PRKACA: variants seen among roughly 807,000 people sequenced by gnomAD.
The protein encoded by PRKACA is protein kinase cAMP-activated catalytic subunit alpha.
PRKACA carries 9 observed loss-of-function variants against 45.8 expected under a neutral mutation model. That is an observed-to-expected ratio of 0.20 (90% CI 0.12 to 0.34). The LOEUF is 0.34. Ranked by LOEUF, PRKACA falls within the 10% of genes least tolerant of loss-of-function variation. PRKACA has a pLI of 1.00. For missense variants in PRKACA, 238 were observed against 458.6 expected (o/e 0.52, Z 4.39); for synonymous variants, 160 against 178.6 (o/e 0.90, Z 0.83).
At chr19:14,100,002 G>A (rs1381512505) in intron 5 of PRKACA, among the ~76,000 whole-genome samples, 4 of 151,606 alleles carry the variant, frequency 2.6e-5, no homozygotes, top group Admixed American at 6.6e-5. Flanking sequence ...CATCACACCC[G>A]GCTAATTTTT....
chr19:14,094,362 T>G (rs188366574), intron 8 of PRKACA, among the ~76,000 whole-genome samples: 109 of 152,250 alleles, frequency 7.2e-4, no homozygotes, highest in African/African-American at 2.6e-3. Context: ...CTAATTTTTG[T>G]ATTTTTAGTA....
chr19:14,114,203 C>A (rs760062272), intron 1 of PRKACA: 2 of 1,597,956 alleles, frequency 1.3e-6, no homozygotes, highest in Admixed American at 3.4e-5. Context: ...GCTGGGAAGG[C>A]TCATGAGACC....
intron 8 of PRKACA, among the ~76,000 whole-genome samples, chr19:14,095,263 C>A (rs1046952207): frequency 6.6e-6 from 1 of 151,464 alleles, no homozygotes; most frequent in Non-Finnish European, 1.5e-5. Context: ...CTCTGCCTCC[C>A]GGTTTCAAGT....
At chr19:14,095,362 G>T (rs543424921) in intron 8 of PRKACA, among the ~76,000 whole-genome samples, 2 of 151,978 alleles carry the variant, frequency 1.3e-5, no homozygotes, top group African/African-American at 4.8e-5. Flanking sequence ...GTAGAGACGG[G>T]GTTTCACCAT....
chr19:14,100,246 G>A (rs146307054), intron 5 of PRKACA, among the ~76,000 whole-genome samples: 2 of 151,848 alleles, frequency 1.3e-5, no homozygotes, highest in Non-Finnish European at 2.9e-5. Flanking sequence ...GGACTAGTGG[G>A]ACTACAGATG....
At chr19:14,103,202 C>A (rs1395868141) in intron 3 of PRKACA, among the ~76,000 whole-genome samples, 1 of 152,078 alleles carries the variant, frequency 6.6e-6, no homozygotes, top group Non-Finnish European at 1.5e-5. Context: ...GGAGAAGCAG[C>A]CCCCAAGAAG....
intron 1 of PRKACA, among the ~76,000 whole-genome samples, chr19:14,109,531 T>C (rs948592889): frequency 5.9e-5 from 9 of 151,550 alleles, no homozygotes; most frequent in Non-Finnish European, 1.2e-4. Flanking sequence ...GGCAGGAGAA[T>C]TGCTTGAATC....
At chr19:14,095,077 CT>C (rs1977205054) in intron 8 of PRKACA, among the ~76,000 whole-genome samples, 1 of 152,170 alleles carries the variant, frequency 6.6e-6, no homozygotes, top group Non-Finnish European at 1.5e-5. Context: ...CTAGAAAATG[CT>C]ACAAAGAAGG....
intron 4 of PRKACA, 105 bp downstream of exon 4, chr19:14,102,709 CAA>C (rs1977479016): frequency 2.1e-6 from 2 of 960,338 alleles, no homozygotes; most frequent in Non-Finnish European, 3.3e-6. Context: ...TGTTCTTCCA[CAA>C]AAGAGAGCAG....
chr19:14,106,916 G>C, intron 2 of PRKACA, 28 bp from the exon 3 acceptor site: 2 of 1,612,724 alleles, frequency 1.2e-6, no homozygotes, highest in Non-Finnish European at 1.7e-6. Context: ...GGTAGGCTCA[G>C]GGCACGCCCT....
At chr19:14,112,809 A>G (rs1967006770) in intron 1 of PRKACA, among the ~76,000 whole-genome samples, 1 of 152,222 alleles carries the variant, frequency 6.6e-6, no homozygotes, top group Non-Finnish European at 1.5e-5. Context: ...TGGACTGTGC[A>G]GAGGACAGCG....
Position 14,093,228 on chromosome 19 carries a change from G to T in PRKACA, c.940C>A (p.Pro314Thr), listed in dbSNP as rs1169133050. 8 of 1,613,422 alleles carry T rather than the reference G, an allele frequency of 5.0e-6. No homozygotes were observed. Among genetic ancestry groups the T allele is most frequent in the Non-Finnish European group, 6.8e-6 (8 of 1,179,748 alleles). The stretch of plus-strand genomic sequence containing the variant: ...GGGCCTTTAAACTTTGGTATGAAGG[G>T]AGCTTCCACCTGGAGAGGGATCAAG... ...IAIYQRKVEA[P>T]FIPKFKGPGD... The change falls in exon 10 of 10, where the codon CCC becomes ACC. Residue 314 changes from proline to threonine, a missense_variant. By Grantham distance (38) the Pro-to-Thr change is conservative. Coordinates refer to ENST00000308677, the MANE Select transcript of PRKACA (RefSeq NM_002730.4).
chr19:14,091,813 C>G lies in PRKACA; in HGVS notation c.*1299G>C, dbSNP rs1480573218. The G allele has an allele frequency of 6.6e-6, 1 of 152,538 alleles. No individual in the cohort carries two copies. Among genetic ancestry groups the G allele is most frequent in the African/African-American group, 2.4e-5 (1 of 41,458 alleles). The allele number at this position is 152,538 out of a possible 1,614,324, so 9.4% of individuals were successfully genotyped here. On this transcript the variant is annotated 3_prime_UTR_variant, in exon 10 of 10. Transcript: ENST00000308677. ...ATCGCCCCCGCACCCACCCGGGGCC[C>G]CACCCCAGGCCTGAGAACTCCTCCT...
intron 1 of PRKACA, among the ~76,000 whole-genome samples, chr19:14,113,513 CTCGCCCTG>C (rs1262856826): frequency 3.3e-5 from 5 of 152,196 alleles, no homozygotes; most frequent in African/African-American, 1.2e-4. Flanking sequence ...AATCTAGAAA[CTCGCCCTG>C]GGAATGGGGA....
In PRKACA at chr19:14,097,289, C is replaced by T. The variant is rs530224184; in HGVS notation, c.765+72G>A. The stretch of plus-strand genomic sequence containing the variant: ...TTATTCTGACAACAAGCAGGGCTCC[C>T]CAGGGAATAGGATGGGTGAGCAGGG... On this transcript the variant is annotated intron_variant, in intron 8 of 9. Transcript: ENST00000308677. This position sits in a 1 kb window ranked among gnomAD's most constrained non-coding sequence, Gnocchi z 5.4. The T allele has an allele frequency of 2.6e-5, 41 of 1,607,004 alleles. No individual in the cohort carries two copies. The African/African-American group carries it at 5.2e-4, about 20-fold the overall frequency.
intron 8 of PRKACA, 94 bp from the exon 9 acceptor site, chr19:14,093,886 G>A: frequency 7.5e-7 from 1 of 1,331,322 alleles, no homozygotes; most frequent in Non-Finnish European, 1.0e-6. Context: ...CCTACTGGGT[G>A]TGGGCCTCCA....
chr19:14,107,693 A>C, intron 1 of PRKACA: 1 of 1,248,358 alleles, frequency 8.0e-7, no homozygotes, highest in Non-Finnish European at 1.0e-6. Context: ...GCCCACCCCC[A>C]CTCGCCCCAG....
At position 14,097,358 on chromosome 19, in the gene PRKACA, C is replaced by T. The variant is rs1214102956; in HGVS notation, c.765+3G>A. 3 of 1,614,030 alleles carry T rather than the reference C, an allele frequency of 1.9e-6. No individual in the cohort carries two copies. The highest frequency in any genetic ancestry group is 2.7e-5 in the African/African-American group (2 of 74,934). On this transcript the variant is annotated splice_donor_region_variant and intron_variant, in intron 8 of 9. Transcript: ENST00000308677. This position sits in a 1 kb window ranked among gnomAD's most constrained non-coding sequence, Gnocchi z 5.4. ...GGGCTGTGTCCCCACATCCGGACCT[C>T]ACCTTCCCAGAGACGATCTTCTCAT...
chr19:14,109,937 C>CAAAA lies in PRKACA; in HGVS notation c.47-2532_47-2529dup. On this transcript the variant is annotated intron_variant, in intron 1 of 9. Transcript: ENST00000308677. The stretch of plus-strand genomic sequence containing the variant: ...TAGGCGACAGAGTGAGACTCTGTCT[C>CAAAA]AAAAAAAAAAAAAAAAAAAAAAAAA... 4.6e-4 allele frequency among the ~76,000 whole-genome samples: 8 copies of CAAAA among 17,548 alleles called. 1 individual carries two copies. Among genetic ancestry groups the CAAAA allele is most frequent in the East Asian group, 2.2e-3 (1 of 456 alleles). The allele number at this position is 17,548 out of a possible 152,430, so 11.5% of individuals were successfully genotyped here.
Sources: gnomAD v4.1 joint callset for allele counts (sites outside exome capture counted in the v4.1 genomes callset) on GRCh38, gnomAD v4.1.1 for gene constraint, Gnocchi (gnomAD v3.1) non-coding constraint, MANE v1.5 for transcripts, NCBI Gene and HGNC (gene_info 2026-07-23, HGNC 2026-07-21) for gene names.